LVRN: variants seen among roughly 807,000 people sequenced by gnomAD.
LVRN encodes the protein aminopeptidase Q.
A neutral mutation model predicts 111.4 loss-of-function variants in LVRN; 99 were observed. That is an observed-to-expected ratio of 0.89 (90% CI 0.76 to 1.05). The LOEUF (loss-of-function observed/expected upper bound fraction) is 1.05, where lower values mean the gene tolerates loss of function less well. Among genes scored for constraint, LVRN ranks in the 50% least tolerant of loss-of-function variants. LVRN has a pLI of 0.00. For synonymous variants in LVRN, 488 were observed against 449.5 expected, an observed-to-expected ratio of 1.09 and a Z score of -1.08; for missense variants, 1,414 against 1,206.8, an observed-to-expected ratio of 1.17 and a Z score of -2.54.
intron 4 of LVRN, among the ~76,000 whole-genome samples, chr5:115,989,004 A>G (rs893007968): frequency 3.3e-5 from 5 of 152,014 alleles, no homozygotes; most frequent in African/African-American, 1.2e-4. Context: ...ATCGTCCCCT[A>G]CATCCATCCA....
At chr5:116,003,511 A>G in intron 12 of LVRN, 131 bp downstream of exon 12, 2 of 484,200 alleles carry the variant, frequency 4.1e-6, no homozygotes, top group Non-Finnish European at 6.6e-6. Flanking sequence ...CATGCAAAAG[A>G]TTTTTTTTTC....
In LVRN at chr5:116,015,958, A is replaced by G. The variant is rs112823347; in HGVS notation, c.2756+193A>G. On this transcript the variant is annotated intron_variant, in intron 18 of 19. Transcript: ENST00000357872. ...TGCCTGTGTTATGGAAGAGCAATAC[A>G]TGAACTTTTAACTATGGCTTGAATA... Among the ~76,000 whole-genome samples the G allele has an allele frequency of 8.0e-3, 1,224 of 152,342 alleles. 16 individuals carry two copies. The highest frequency in any genetic ancestry group is 0.028 in the African/African-American group (1,173 of 41,570).
chr5:115,979,261 G>A (rs1337633773), intron 1 of LVRN, among the ~76,000 whole-genome samples: 4 of 152,146 alleles, frequency 2.6e-5, no homozygotes, highest in African/African-American at 7.2e-5. Flanking sequence ...GTAGGAGTTA[G>A]ACCTTGGCCA....
In LVRN at chr5:116,001,076, G is replaced by T; in HGVS notation, c.1657G>T (p.Asp553Tyr). Residue 553 changes from aspartate (D) to tyrosine (Y), a missense_variant, in exon 10 of 20, where the codon GAC becomes TAC. Coordinates refer to ENST00000357872, the MANE Select transcript of LVRN (RefSeq NM_173800.5). ...TGATTTTTTAAAACAGGCCATAGAT[G>T]ACCAGAGTACAGTTATTTTGCCAGC... ...LWRHFQMAIDDQSTVILPATI... is the reference protein window; with the variant it reads ...LWRHFQMAIDYQSTVILPATI... The T allele has an allele frequency of 6.2e-7, 1 of 1,602,282 alleles. No homozygotes were observed. The highest frequency in any genetic ancestry group is 1.1e-5 in the South Asian group (1 of 88,696).
At chr5:115,987,104 C>A (rs1488110363) in intron 3 of LVRN, among the ~76,000 whole-genome samples, 1 of 151,828 alleles carries the variant, frequency 6.6e-6, no homozygotes, top group African/African-American at 2.4e-5. Context: ...TAGGATATTA[C>A]TCACAAAATC....
intron 6 of LVRN, among the ~76,000 whole-genome samples, chr5:115,996,586 C>T (rs1420532980): frequency 2.6e-5 from 4 of 152,056 alleles, no homozygotes; most frequent in African/African-American, 4.8e-5. Flanking sequence ...AATCATAGAC[C>T]CTTATGCAGA....
At position 116,000,588 on chromosome 5, in the gene LVRN, TAC is replaced by T; in HGVS notation, c.1582-3_1582-2del. The T allele has an allele frequency of 6.2e-7, 1 of 1,613,924 alleles. No individual in the cohort carries two copies. Among genetic ancestry groups the T allele is most frequent in the African/African-American group, 1.3e-5 (1 of 75,050 alleles). ...ATTTTAACCTTAACTTTTCTATTTT[TAC>T]AGTCATATTTGAAGACATTTTCCTA... On this transcript the variant is annotated splice_polypyrimidine_tract_variant and splice_region_variant and intron_variant, in intron 8 of 19. Transcript: ENST00000357872.
Position 115,983,391 on chromosome 5 carries a change from A to G in LVRN, c.800A>G (p.His267Arg). Reference protein sequence around the residue: ...KATFNITMIHHPSYVALSNMP... With the variant: ...KATFNITMIHRPSYVALSNMP... ...ACTTTTAATATTACAATGATTCATCATCCAAGTTATGTGGCCCTTTCCAAC... is the reference window on the plus strand; with the variant it reads ...ACTTTTAATATTACAATGATTCATCGTCCAAGTTATGTGGCCCTTTCCAAC... The change falls in exon 2 of 20, where the codon CAT becomes CGT. Residue 267 changes from histidine (H) to arginine (R), a missense_variant. Physicochemically the swap from His to Arg is conservative, Grantham distance 29. Transcript: ENST00000357872. 1 of 1,609,782 alleles carries G rather than the reference A, an allele frequency of 6.2e-7. No individual in the cohort carries two copies. Among genetic ancestry groups the G allele is most frequent in the Non-Finnish European group, 8.5e-7 (1 of 1,178,750 alleles).
intron 1 of LVRN, among the ~76,000 whole-genome samples, chr5:115,982,605 C>T (rs149753441): frequency 7.2e-4 from 109 of 152,162 alleles, no homozygotes; most frequent in Middle Eastern, 6.8e-3. Context: ...GTAAACCTGA[C>T]GTCTTCTCGT....
At chr5:116,015,866 GCCAC>G in intron 18 of LVRN, 101 bp downstream of exon 18, 1 of 1,402,098 alleles carries the variant, frequency 7.1e-7, no homozygotes, top group South Asian at 1.5e-5. Context: ...GTCTAGCTAG[GCCAC>G]AAACGTCCTT....
intron 13 of LVRN, chr5:116,010,516 C>T: frequency 1.7e-6 from 1 of 586,470 alleles, no homozygotes. Flanking sequence ...TTTCTCTAGC[C>T]TTCAAGACTT....
Position 116,015,763 on chromosome 5 carries a change from A to C in LVRN, c.2754A>C (p.Lys918Asn). ...FLVNNWQAVS[K>N]RYGTQSLINL... ...TCAACAACTGGCAAGCTGTGAGTAA[A>C]AGGTAAGAAGGAAAGTGAGACCTTT... The change falls in exon 18 of 20, where the codon AAA becomes AAC. Residue 918 changes from lysine to asparagine, a missense_variant and splice_region_variant. Physicochemically the swap from Lys to Asn is moderately conservative, Grantham distance 94. Coordinates refer to ENST00000357872, the MANE Select transcript of LVRN (RefSeq NM_173800.5). 1 of 1,613,040 alleles carries C rather than the reference A, an allele frequency of 6.2e-7. No individual in the cohort carries two copies. The highest frequency in any genetic ancestry group is 8.5e-7 in the Non-Finnish European group (1 of 1,179,442).
intron 19 of LVRN, among the ~76,000 whole-genome samples, chr5:116,024,746 C>T (rs772451887): frequency 9.9e-5 from 15 of 151,864 alleles, no homozygotes; most frequent in South Asian, 4.1e-4. Context: ...CACAGCTTTT[C>T]GAAATTGTAA....
chr5:116,023,954 A>G (rs1420009273), intron 19 of LVRN, among the ~76,000 whole-genome samples: 1 of 152,232 alleles, frequency 6.6e-6, no homozygotes, highest in Non-Finnish European at 1.5e-5. Context: ...ATGGAATACT[A>G]TACTGAAATT....
At chr5:116,010,540 G>T in intron 13 of LVRN, 1 of 632,442 alleles carries the variant, frequency 1.6e-6, no homozygotes. Context: ...ACACTTGAAA[G>T]TACCAAATTG....
In LVRN at chr5:115,979,413, C is replaced by T. The variant is rs765175772; in HGVS notation, c.696-3874C>T. Among the ~76,000 whole-genome samples, 9 of 152,166 alleles carry T rather than the reference C, an allele frequency of 5.9e-5. No individual in the cohort carries two copies. The South Asian group carries it at 6.3e-4, about 11-fold the overall frequency. Reference sequence around the variant, plus strand: ...GCCCCTCCTCCCAACTCCCTGAGAGCGTGGAAAGCTTGGCAAAGTAATGCT... The same window carrying T: ...GCCCCTCCTCCCAACTCCCTGAGAGTGTGGAAAGCTTGGCAAAGTAATGCT... On this transcript the variant is annotated intron_variant, in intron 1 of 19. Transcript: ENST00000357872.
intron 19 of LVRN, among the ~76,000 whole-genome samples, chr5:116,024,105 C>CT (rs1003114404): frequency 3.3e-5 from 5 of 152,134 alleles, no homozygotes; most frequent in Non-Finnish European, 7.4e-5. Context: ...GAGAGATGGA[C>CT]TGCAAGGACC....
At chr5:115,973,568 C>G (rs536496511) in intron 1 of LVRN, among the ~76,000 whole-genome samples, 47 of 152,238 alleles carry the variant, frequency 3.1e-4, no homozygotes, top group Admixed American at 1.6e-3. Flanking sequence ...TTAACTATGA[C>G]TTAAATTTAT....
intron 18 of LVRN, among the ~76,000 whole-genome samples, chr5:116,017,265 G>A (rs1430447396): frequency 6.6e-6 from 1 of 152,192 alleles, no homozygotes; most frequent in Non-Finnish European, 1.5e-5. Context: ...GGTAAGTTGA[G>A]GCTCAGAGAG....
Sources: gnomAD v4.1 joint callset for allele counts (sites outside exome capture counted in the v4.1 genomes callset) on GRCh38, gnomAD v4.1.1 for gene constraint, MANE v1.5 for transcripts, NCBI Gene and HGNC (gene_info 2026-07-23, HGNC 2026-07-21) for gene names.